The following NLGN4X variants were observed in gnomAD, a reference collection of about 807,000 sequenced individuals.
The protein encoded by NLGN4X is neuroligin-4, X-linked.
NLGN4X carries 3 observed loss-of-function variants against 40.3 expected under a neutral mutation model. The ratio of observed to expected loss-of-function variants is 0.07; its 90% confidence interval spans 0.03 to 0.19. The LOEUF (loss-of-function observed/expected upper bound fraction) is 0.19, where lower values mean the gene tolerates loss of function less well. Ranked by LOEUF, NLGN4X falls within the 10% of genes least tolerant of loss-of-function variation. The probability of loss-of-function intolerance (pLI) is 1.00; values close to 1 mark genes in which losing one functional copy is unlikely to be tolerated. For synonymous variants in NLGN4X, 270 were observed against 306.8 expected, an observed-to-expected ratio of 0.88 and a Z score of 1.25; for missense variants, 382 against 708.3, an observed-to-expected ratio of 0.54 and a Z score of 5.23.
chrX:6,110,422 G>A (rs182181988), intron 2 of NLGN4X, among the ~76,000 whole-genome samples: 2 of 112,064 alleles, frequency 1.8e-5, no homozygotes, highest in East Asian at 5.6e-4. Context: ...TGGGCTGTCA[G>A]AATCCTGAGT....
chrX:6,076,265 T>C (rs1217283532), intron 2 of NLGN4X, among the ~76,000 whole-genome samples: 1 of 112,151 alleles, frequency 8.9e-6, no homozygotes, highest in African/African-American at 3.2e-5. Flanking sequence ...GGAATTAACG[T>C]ATGTTATCCG....
rs141720696 is a variant in NLGN4X at position 6,151,276 on chromosome X, T to C, written c.191A>G (p.Asn64Ser). 2.7e-5 allele frequency: 33 copies of C among 1,209,691 alleles called. No individual in the cohort carries two copies. The highest frequency in any genetic ancestry group is 1.1e-4 in the Admixed American group (5 of 45,718). ...KIRGLRTPLP[N>S]EILGPVEQYL... ...CTGCTCCACTGGACCCAAGATCTCATTGGGTAACGGTGTTCTTAGGCCCCG... is the reference window on the plus strand; with the variant it reads ...CTGCTCCACTGGACCCAAGATCTCACTGGGTAACGGTGTTCTTAGGCCCCG... Residue 64 changes from asparagine to serine, a missense_variant, in exon 2 of 6, where the codon AAT (asparagine) becomes AGT (serine). Physicochemically the swap from Asn to Ser is conservative, Grantham distance 46. This residue lies in a region of NLGN4X where 115 missense variants were observed against 149.6 expected (regional missense o/e 0.77). Transcript: ENST00000381095.
intron 2 of NLGN4X, among the ~76,000 whole-genome samples, chrX:6,091,490 T>C (rs2038638979): frequency 8.9e-6 from 1 of 111,757 alleles, no homozygotes; most frequent in African/African-American, 3.3e-5. Flanking sequence ...GCCTACTTTC[T>C]AAAAGCGTCC....
chrX:5,962,190 T>C (rs893815895), intron 3 of NLGN4X, among the ~76,000 whole-genome samples: 13 of 112,412 alleles, frequency 1.2e-4, no homozygotes, highest in African/African-American at 3.9e-4. Context: ...AGTATGTATG[T>C]ATGTTTCCAT....
At position 5,900,560 on chromosome X, in the gene NLGN4X, C is replaced by CTTTTTTTTTTTTT. The variant is rs1163973694; in HGVS notation, c.1601+2504_1601+2516dup. ...GTTATAAGACACACCGTTTTTGGTG[C>CTTTTTTTTTTTTT]TTTTTTTTTTTTTTTTTTTTTTTTT... On this transcript the variant is annotated intron_variant, in intron 5 of 5. Transcript: ENST00000381095. Among the ~76,000 whole-genome samples, 4 of 45,596 alleles carry CTTTTTTTTTTTTT rather than the reference C, an allele frequency of 8.8e-5. 2 individuals carry two copies. Among genetic ancestry groups the CTTTTTTTTTTTTT allele is most frequent in the Non-Finnish European group, 7.7e-5 (2 of 26,100 alleles). The allele number at this position is 45,596 out of a possible 115,157, so 39.6% of individuals were successfully genotyped here.
At chrX:6,042,685 TTATATATATA>T (rs749649054) in intron 2 of NLGN4X, among the ~76,000 whole-genome samples, 606 of 28,405 alleles carry the variant, frequency 0.021, 33 homozygotes, top group African/African-American at 0.052. Flanking sequence ...CATAGAGGTT[TTATATATATA>T]TATATATATA....
At chrX:6,221,088 ATTTATT>A (rs1925639448) in intron 1 of NLGN4X, among the ~76,000 whole-genome samples, 1 of 105,989 alleles carries the variant, frequency 9.4e-6, no homozygotes, top group Non-Finnish European at 1.9e-5. Flanking sequence ...TTATTTATTT[ATTTATT>A]TATTTATATT....
intron 3 of NLGN4X, among the ~76,000 whole-genome samples, chrX:5,956,182 A>C (rs2034489889): frequency 9.3e-6 from 1 of 108,093 alleles, no homozygotes. Flanking sequence ...TATTTAATCT[A>C]TATGTGTGTA....
chrX:6,127,664 T>C (rs2039589541), intron 2 of NLGN4X, among the ~76,000 whole-genome samples: 2 of 111,905 alleles, frequency 1.8e-5, no homozygotes, highest in Admixed American at 1.9e-4. Flanking sequence ...TGTTCCCCTA[T>C]TGGGGAAAAA....
intron 2 of NLGN4X, among the ~76,000 whole-genome samples, chrX:6,095,803 C>T (rs1921945): frequency 0.21 from 23,173 of 110,904 alleles, 1,960 homozygotes; most frequent in South Asian, 0.26. Flanking sequence ...CATCTTACAA[C>T]GCACAGGAAG....
rs933097098 is a variant in NLGN4X at position 5,891,870 on chromosome X, C to T, written c.*947G>A. 6.9e-5 allele frequency: 9 copies of T among 130,395 alleles called. No homozygotes were observed. The highest frequency in any genetic ancestry group is 5.2e-4 in the East Asian group (2 of 3,866). 10.7% of individuals were successfully genotyped at this position (130,395 alleles called of 1,213,427 possible). ...TCTTGCATGCACCTGTGCAACCTGA[C>T]GGGGGAAATAGGCCACACAGACCGT... On this transcript the variant is annotated 3_prime_UTR_variant, in exon 6 of 6. Transcript: ENST00000381095.
intron 3 of NLGN4X, among the ~76,000 whole-genome samples, chrX:5,939,202 G>A (rs1156524013): frequency 9.0e-6 from 1 of 111,316 alleles, no homozygotes; most frequent in East Asian, 2.8e-4. Flanking sequence ...AGCTCTGGGG[G>A]TTTGCAGGAT....
At chrX:5,978,631 T>C in intron 3 of NLGN4X, among the ~76,000 whole-genome samples, 1 of 112,099 alleles carries the variant, frequency 8.9e-6, no homozygotes, top group East Asian at 2.8e-4. Context: ...AAAATGAGCA[T>C]AAGGAAACAG....
chrX:6,125,366 A>C (rs1456849924), intron 2 of NLGN4X, among the ~76,000 whole-genome samples: 1 of 111,119 alleles, frequency 9.0e-6, no homozygotes, highest in African/African-American at 3.3e-5. Context: ...GAAAAGCTTA[A>C]TAATATAAAC....
chrX:6,108,659 G>T (rs1002155461), intron 2 of NLGN4X, among the ~76,000 whole-genome samples: 1 of 111,102 alleles, frequency 9.0e-6, no homozygotes, highest in Non-Finnish European at 1.9e-5. Flanking sequence ...ACTCCAGCCT[G>T]GGTGACAAAG....
chrX:5,937,810 C>T (rs2031791185), intron 3 of NLGN4X, among the ~76,000 whole-genome samples: 1 of 111,895 alleles, frequency 8.9e-6, no homozygotes, highest in African/African-American at 3.3e-5. Flanking sequence ...ATTCCAACCA[C>T]ATGTATTTCA....
At chrX:6,153,894 C>T (rs182717320) in intron 1 of NLGN4X, among the ~76,000 whole-genome samples, 3 of 112,522 alleles carry the variant, frequency 2.7e-5, no homozygotes, top group South Asian at 3.7e-4. Flanking sequence ...CCTAAGAAGA[C>T]GCGCCCAAGG....
chrX:6,169,957 T>G (rs2040571022), intron 1 of NLGN4X, among the ~76,000 whole-genome samples: 2 of 111,665 alleles, frequency 1.8e-5, no homozygotes, highest in South Asian at 7.5e-4. Flanking sequence ...ATCATGTTAG[T>G]AGTAGTTTAT....
At position 6,065,273 on chromosome X, in the gene NLGN4X, T is replaced by C. The variant is rs1266706412; in HGVS notation, c.473-35841A>G. ...TACCCTCTGAACCTAAAATAAAAAT[T>C]GAAAAAGAAAAAATAGATATAAAAT... On this transcript the variant is annotated intron_variant, in intron 2 of 5. Transcript: ENST00000381095. Among the ~76,000 whole-genome samples, 3 of 108,028 alleles carry C rather than the reference T, an allele frequency of 2.8e-5. No homozygotes were observed. The Admixed American group carries it at 3.0e-4, about 11-fold the overall frequency. The allele number at this position is 108,028 out of a possible 115,157, so 93.8% of individuals were successfully genotyped here. A position where few individuals can be genotyped will look rare whatever the true frequency, so the allele number is the denominator to read the frequency against.
Sources: gnomAD v4.1 joint callset for allele counts (sites outside exome capture counted in the v4.1 genomes callset) on GRCh38, gnomAD v4.1.1 for gene constraint, gnomAD v4.1.1 regional missense constraint, MANE v1.5 for transcripts, NCBI Gene and HGNC (gene_info 2026-07-23, HGNC 2026-07-21) for gene names.